Variants in ALG1 observed in about 807,000 individuals in gnomAD.
ALG1 encodes ALG1 chitobiosyldiphosphodolichol beta-mannosyltransferase.
In ALG1, 58 loss-of-function variants were observed where a neutral mutation model predicts 55.1. The observed-to-expected ratio is 1.05, with a 90% confidence interval of 0.85 to 1.31. The LOEUF (loss-of-function observed/expected upper bound fraction) is 1.31, where lower values mean the gene tolerates loss of function less well. Ranked by LOEUF, ALG1 falls within the 50% of genes most tolerant of loss-of-function variation. The pLI is 0.00. For missense variants in ALG1, 761 were observed against 598.6 expected, an observed-to-expected ratio of 1.27 and a Z score of -2.83; for synonymous variants, 309 against 247.0, an observed-to-expected ratio of 1.25 and a Z score of -2.35.
rs1253424529 is a variant in ALG1 at position 5,086,409 on chromosome 16, C to G, written c.*1528C>G. On this transcript the variant is annotated 3_prime_UTR_variant, in exon 13 of 13. Transcript: ENST00000262374. The stretch of plus-strand genomic sequence containing the variant: ...ACACAGCTTAGAAGGGGCTGCTGTT[C>G]TCATAAGCACAGATGTCTGAAGAGC... The G allele has an allele frequency of 6.6e-6, 1 of 151,056 alleles. No individual in the cohort carries two copies. The highest frequency in any genetic ancestry group is 2.4e-5 in the African/African-American group (1 of 41,064). The allele number at this position is 151,056 out of a possible 1,614,324, so 9.4% of individuals were successfully genotyped here. A position where few individuals can be genotyped will look rare whatever the true frequency, so the allele number is the denominator to read the frequency against.
chr16:5,073,335 A>G (rs1023652935), intron 3 of ALG1, 79 bp downstream of exon 3: 16 of 1,265,410 alleles, frequency 1.3e-5, no homozygotes, highest in Non-Finnish European at 1.8e-5. Flanking sequence ...ACTATATTGC[A>G]TATTCATATG....
chr16:5,074,970 A>G (rs1306579093), intron 3 of ALG1, among the ~76,000 whole-genome samples: 2 of 152,128 alleles, frequency 1.3e-5, no homozygotes, highest in East Asian at 3.9e-4. Context: ...TGGCACAATC[A>G]TAGCTTAACT....
intron 4 of ALG1, among the ~76,000 whole-genome samples, chr16:5,076,553 C>T (rs1272810745): frequency 6.6e-6 from 1 of 152,214 alleles, no homozygotes; most frequent in Non-Finnish European, 1.5e-5. Context: ...TCCGAGCTTT[C>T]TCTGCATCTT....
intron 4 of ALG1, among the ~76,000 whole-genome samples, chr16:5,076,792 CTTTTT>C (rs5815229): frequency 9.2e-6 from 1 of 108,854 alleles, no homozygotes; most frequent in Admixed American, 1.1e-4. Context: ...GTATTTCTTC[CTTTTT>C]TTTTTTTTTT....
rs757427972 is a variant in ALG1, at chr16:5,077,923, G to A, written c.646G>A (p.Asp216Asn). 8 of 1,607,948 alleles carry A rather than the reference G, an allele frequency of 5.0e-6. No homozygotes were observed. Among genetic ancestry groups the A allele is most frequent in the South Asian group, 1.1e-5 (1 of 90,988 alleles). The change falls in exon 6 of 13, where the codon GAC becomes AAC. Residue 216 changes from aspartate to asparagine, a missense_variant. By Grantham distance (23) the Asp-to-Asn change is conservative (BLOSUM62 1). Coordinates refer to ENST00000262374, the MANE Select transcript of ALG1 (RefSeq NM_019109.5). The part of the protein sequence containing the change: ...NWHIRAVTVY[D>N]KPASFFKETP... The stretch of plus-strand genomic sequence containing the variant: ...TCATTGCAGGGCTGTGACCGTCTAC[G>A]ACAAGCCCGCATCTTTCTTTAAAGA...
chr16:5,085,365 A>C lies in ALG1; in HGVS notation c.*484A>C. ...ACTTGATACACACGTTTTTATTTGC[A>C]CAAAGAAAATGCTATTTTTGGAGCC... is the stretch of plus-strand genomic sequence containing the variant. On this transcript the variant is annotated 3_prime_UTR_variant, in exon 13 of 13. Coordinates refer to ENST00000262374, the MANE Select transcript of ALG1 (RefSeq NM_019109.5). 1 of 529,356 alleles carries C rather than the reference A, an allele frequency of 1.9e-6. No individual in the cohort carries two copies. The allele number at this position is 529,356 out of a possible 1,614,324, so 32.8% of individuals were successfully genotyped here.
intron 10 of ALG1, among the ~76,000 whole-genome samples, chr16:5,081,992 G>T (rs1248637900): frequency 6.6e-6 from 1 of 151,812 alleles, no homozygotes; most frequent in Admixed American, 6.6e-5. Flanking sequence ...GACCAGGCTG[G>T]AGTGCAATGG....
At chr16:5,079,985 C>G (rs1362927667) in intron 9 of ALG1, among the ~76,000 whole-genome samples, 178 bp downstream of exon 9, 1 of 151,934 alleles carries the variant, frequency 6.6e-6, no homozygotes, top group Non-Finnish European at 1.5e-5. Flanking sequence ...GGGCAGGGAG[C>G]CCAGATTTGA....
At chr16:5,083,309 G>A (rs918951567) in intron 11 of ALG1, among the ~76,000 whole-genome samples, 5 of 152,140 alleles carry the variant, frequency 3.3e-5, no homozygotes, top group African/African-American at 1.2e-4. Context: ...GATCAAACCT[G>A]GTGCCCTAGA....
rs889663439 is a variant in ALG1 at position 5,075,306 on chromosome 16, A to G, written c.391-82A>G. On this transcript the variant is annotated intron_variant, in intron 3 of 12. Coordinates refer to ENST00000262374, the MANE Select transcript of ALG1 (RefSeq NM_019109.5). ...CTGTAAAGATAACAGACTCATCACC[A>G]TGTGTGTTGTGACTATTTTTACTGG... 7 of 1,422,220 alleles carry G rather than the reference A, an allele frequency of 4.9e-6. No homozygotes were observed. In the Admixed American group the frequency reaches 6.7e-5, roughly 14 times the overall value. 88.1% of individuals were successfully genotyped at this position (1,422,220 alleles called of 1,614,324 possible). A position where few individuals can be genotyped will look rare whatever the true frequency, so the allele number is the denominator to read the frequency against.
At chr16:5,079,851 G>C in intron 9 of ALG1, 44 bp downstream of exon 9, 1 of 1,587,656 alleles carries the variant, frequency 6.3e-7, no homozygotes, top group Non-Finnish European at 8.6e-7. Context: ...GGGGGATGGC[G>C]GAGGGGGAGG....
At chr16:5,083,869 CG>C (rs1957063086) in intron 12 of ALG1, 112 bp downstream of exon 12, 41 of 1,509,480 alleles carry the variant, frequency 2.7e-5, no homozygotes, top group Non-Finnish European at 3.5e-5. Context: ...TGGGGTCTGG[CG>C]GAAAAGCTAG....
intron 7 of ALG1, 52 bp downstream of exon 7, chr16:5,078,930 A>G (rs1208855595): frequency 6.2e-7 from 1 of 1,604,180 alleles, no homozygotes. Flanking sequence ...CACCTGGCCA[A>G]CCTGTGTTCT....
intron 12 of ALG1, 106 bp downstream of exon 12, chr16:5,083,863 G>T: frequency 6.5e-7 from 1 of 1,548,786 alleles, no homozygotes; most frequent in Non-Finnish European, 8.7e-7. Flanking sequence ...ACCATGTGGG[G>T]TCTGGCGGAA....
At chr16:5,073,292 A>G (rs773543416) in intron 3 of ALG1, 36 bp downstream of exon 3, 9 of 1,581,634 alleles carry the variant, frequency 5.7e-6, no homozygotes, top group Middle Eastern at 1.9e-4. Flanking sequence ...TGTGAGAGCC[A>G]TGTTAGCAGT....
chr16:5,078,915 A>G, intron 7 of ALG1, 37 bp downstream of exon 7: 3 of 1,608,716 alleles, frequency 1.9e-6, no homozygotes, highest in Non-Finnish European at 2.5e-6. Flanking sequence ...GGTTGGTGTG[A>G]CGGGCACCTG....
chr16:5,073,465 G>A (rs1189286798), intron 3 of ALG1: 2 of 606,104 alleles, frequency 3.3e-6, no homozygotes, highest in East Asian at 5.6e-5. Context: ...TGTACTGACT[G>A]TGTATCAAGT....
At chr16:5,079,541 T>C (rs1596258224) in intron 8 of ALG1, among the ~76,000 whole-genome samples, 1 of 152,036 alleles carries the variant, frequency 6.6e-6, no homozygotes, top group East Asian at 1.9e-4. Flanking sequence ...ATACAAAAAT[T>C]AGCTAGGTAT....
At chr16:5,073,292 A>T (rs773543416) in intron 3 of ALG1, 36 bp downstream of exon 3, 3 of 1,581,752 alleles carry the variant, frequency 1.9e-6, no homozygotes, top group Non-Finnish European at 8.7e-7. Context: ...TGTGAGAGCC[A>T]TGTTAGCAGT....
Sources: allele counts gnomAD v4.1 joint callset (sites outside exome capture counted in the v4.1 genomes callset), GRCh38; gene constraint gnomAD v4.1.1; transcripts MANE v1.5; gene names NCBI Gene and HGNC (gene_info 2026-07-23, HGNC 2026-07-21).